DPYS: variants seen among roughly 807,000 people sequenced by gnomAD.
DPYS encodes the protein dihydropyrimidine amidohydrolase.
A neutral mutation model predicts 50.3 loss-of-function variants in DPYS; 39 were observed. That is an observed-to-expected ratio of 0.78 (90% CI 0.60 to 1.01). DPYS has a LOEUF of 1.01. DPYS is among the 50% of genes least tolerant of loss of function. The pLI is 0.00. For synonymous variants in DPYS, 245 were observed against 250.7 expected (o/e 0.98, Z 0.22); for missense variants, 659 against 680.9 (o/e 0.97, Z 0.36).
chr8:104,381,852 T>TCACACACACACACACACACA (rs59581374), intron 8 of DPYS, among the ~76,000 whole-genome samples: 5,955 of 123,772 alleles, frequency 0.048, 199 homozygotes, highest in Admixed American at 0.067. Context: ...AGTTTTGAAA[T>TCACACACACACACACACACA]CACACACACA....
chr8:104,451,505 G>A lies in DPYS; in HGVS notation c.265-101C>T, dbSNP rs543859837. On this transcript the variant is annotated intron_variant, in intron 1 of 9. Transcript: ENST00000351513. ...CATTTGTAAGCACTTGGGCAAACTC[G>A]ATGGGTCCAGGAAATTGCAAAAAGA... 4.1e-4 allele frequency: 607 copies of A among 1,465,220 alleles called. 5 individuals carry two copies. In the South Asian group the frequency reaches 5.9e-3, roughly 14 times the overall value. The allele number at this position is 1,465,220 out of a possible 1,614,324, so 90.8% of individuals were successfully genotyped here. A position where few individuals can be genotyped will look rare whatever the true frequency, so the allele number is the denominator to read the frequency against.
chr8:104,451,293 A>G lies in DPYS; in HGVS notation c.376T>C (p.Cys126Arg). 1 of 1,614,202 alleles carries G rather than the reference A, an allele frequency of 6.2e-7. No homozygotes were observed. Among genetic ancestry groups the G allele is most frequent in the Non-Finnish European group, 8.5e-7 (1 of 1,180,044 alleles). ...GCCACATGAAGGCTGTAGTCGCAGC[A>G]AACTTTGGGATCAGCCCAGCTTCGC... ...TWRSWADPKVCCDYSLHVAVT... is the reference protein window; with the variant it reads ...TWRSWADPKVRCDYSLHVAVT... The change falls in exon 2 of 10, where the codon TGC (cysteine) becomes CGC (arginine). Residue 126 changes from cysteine (C) to arginine (R), a missense_variant. Coordinates refer to ENST00000351513, the MANE Select transcript of DPYS (RefSeq NM_001385.3).
At chr8:104,402,518 T>A (rs771290194) in intron 7 of DPYS, among the ~76,000 whole-genome samples, 1 of 152,228 alleles carries the variant, frequency 6.6e-6, no homozygotes, top group Non-Finnish European at 1.5e-5. Context: ...GAAATAACTT[T>A]CTGGGGTGAT....
chr8:104,424,160 G>A (rs369473280), intron 7 of DPYS, 87 bp downstream of exon 7: 9 of 1,605,386 alleles, frequency 5.6e-6, no homozygotes, highest in East Asian at 2.2e-5. Flanking sequence ...AAGGAGAAGC[G>A]GCTGATTAAT....
chr8:104,455,153 A>C (rs1337678090), intron 1 of DPYS, among the ~76,000 whole-genome samples: 8 of 152,270 alleles, frequency 5.3e-5, no homozygotes, highest in African/African-American at 1.7e-4. Flanking sequence ...AGAAAAAAAA[A>C]CTTAATACAG....
chr8:104,460,918 A>G (rs1051428247), intron 1 of DPYS, among the ~76,000 whole-genome samples: 1 of 152,166 alleles, frequency 6.6e-6, no homozygotes, highest in African/African-American at 2.4e-5. Flanking sequence ...ACCAGTTATT[A>G]AAGAGATGAT....
chr8:104,388,544 A>T (rs982370625), intron 8 of DPYS, among the ~76,000 whole-genome samples: 1 of 152,174 alleles, frequency 6.6e-6, no homozygotes, highest in Admixed American at 6.6e-5. Context: ...CTCAGTCAGG[A>T]TTCTCTTGAA....
chr8:104,412,438 G>C (rs1436185018), intron 7 of DPYS, among the ~76,000 whole-genome samples: 2 of 152,208 alleles, frequency 1.3e-5, no homozygotes, highest in Non-Finnish European at 2.9e-5. Flanking sequence ...ATGTGCGTGT[G>C]TCTTGGGTGG....
At chr8:104,383,084 C>T (rs1314661577) in intron 8 of DPYS, among the ~76,000 whole-genome samples, 3 of 152,194 alleles carry the variant, frequency 2.0e-5, no homozygotes, top group Non-Finnish European at 2.9e-5. Context: ...CCTCCTCACT[C>T]AGAACAGGGC....
intron 1 of DPYS, among the ~76,000 whole-genome samples, chr8:104,453,054 G>A (rs955187466): frequency 6.6e-6 from 1 of 151,996 alleles, no homozygotes; most frequent in Non-Finnish European, 1.5e-5. Flanking sequence ...TCCCCCAACA[G>A]CTTCCAGATA....
rs1332273904 is a variant in DPYS at position 104,423,870 on chromosome 8, T to C, written c.1235+377A>G. 3 of 701,964 alleles carry C rather than the reference T, an allele frequency of 4.3e-6. No individual in the cohort carries two copies. In the African/African-American group the frequency reaches 5.8e-5, roughly 14 times the overall value. 43.5% of individuals were successfully genotyped at this position (701,964 alleles called of 1,614,324 possible). On this transcript the variant is annotated intron_variant, in intron 7 of 9. Transcript: ENST00000351513. ...CTGGAATTTTTCTATCTGAAAGCTT[T>C]AAAAAGGCTGTAATTATTTTGAGTT... is the stretch of plus-strand genomic sequence containing the variant.
At chr8:104,447,566 T>G (rs1813582741) in intron 2 of DPYS, 63 bp from the exon 3 acceptor site, 1 of 1,564,782 alleles carries the variant, frequency 6.4e-7, no homozygotes, top group Non-Finnish European at 8.8e-7. Flanking sequence ...AATTTCAACC[T>G]TCTCTAAAAC....
At chr8:104,456,620 A>G (rs550353973) in intron 1 of DPYS, among the ~76,000 whole-genome samples, 8 of 152,332 alleles carry the variant, frequency 5.3e-5, no homozygotes, top group African/African-American at 1.7e-4. Context: ...GCTGGGGCCA[A>G]TTTCTCTCAG....
rs921967628 is a variant in DPYS, at chr8:104,393,094, C to G, written c.1236-103G>C. 12 of 1,035,226 alleles carry G rather than the reference C, an allele frequency of 1.2e-5. No homozygotes were observed. The East Asian group carries it at 3.1e-4, about 27-fold the overall frequency. The allele number at this position is 1,035,226 out of a possible 1,614,324, so 64.1% of individuals were successfully genotyped here. ...TGACTTAGAAGAAAACTTAGCAACTCTATTAAGTCATAGCTTCATCACTGT... is the reference window on the plus strand; with the variant it reads ...TGACTTAGAAGAAAACTTAGCAACTGTATTAAGTCATAGCTTCATCACTGT... On this transcript the variant is annotated intron_variant, in intron 7 of 9. Coordinates refer to ENST00000351513, the MANE Select transcript of DPYS (RefSeq NM_001385.3).
intron 7 of DPYS, among the ~76,000 whole-genome samples, chr8:104,399,920 A>C (rs3793357): frequency 0.045 from 6,814 of 151,682 alleles, 178 homozygotes; most frequent in Middle Eastern, 0.13. Flanking sequence ...CTTTGGAGAT[A>C]ATCTGACAAG....
chr8:104,382,681 G>GT (rs1554690078), intron 8 of DPYS, among the ~76,000 whole-genome samples: 4 of 151,880 alleles, frequency 2.6e-5, no homozygotes, highest in African/African-American at 9.7e-5. Context: ...CATAATTAAC[G>GT]TAAGTATAAT....
intron 1 of DPYS, 131 bp from the exon 2 acceptor site, chr8:104,451,535 G>A: frequency 8.9e-7 from 1 of 1,121,068 alleles, no homozygotes; most frequent in Non-Finnish European, 1.3e-6. Flanking sequence ...AAAAGATGCT[G>A]CCTGTTTAAA....
chr8:104,455,016 GTGAATAC>G (rs1475727625), intron 1 of DPYS, among the ~76,000 whole-genome samples: 1 of 152,128 alleles, frequency 6.6e-6, no homozygotes. Flanking sequence ...TTTTAGGGTG[GTGAATAC>G]TGAATACAGA....
At chr8:104,436,441 C>A (rs1813149409) in intron 4 of DPYS, among the ~76,000 whole-genome samples, 1 of 152,136 alleles carries the variant, frequency 6.6e-6, no homozygotes, top group South Asian at 2.1e-4. Context: ...GAAACCCTGT[C>A]TCTACTAAAA....
Sources: allele counts gnomAD v4.1 joint callset (sites outside exome capture counted in the v4.1 genomes callset), GRCh38; gene constraint gnomAD v4.1.1; transcripts MANE v1.5; gene names NCBI Gene and HGNC (gene_info 2026-07-23, HGNC 2026-07-21).